The following DEPDC1B variants were observed in gnomAD, a reference collection of about 807,000 sequenced individuals.
DEPDC1B encodes the protein DEP domain containing 1B.
In DEPDC1B, 51 loss-of-function variants were observed where a neutral mutation model predicts 66.5. That is an observed-to-expected ratio of 0.77 (90% CI 0.61 to 0.97). The LOEUF is 0.97. DEPDC1B is among the 50% of genes least tolerant of loss of function. The pLI is 0.00. For missense variants in DEPDC1B, 552 were observed against 637.1 expected (o/e 0.87, Z 1.44); for synonymous variants, 226 against 223.6 (o/e 1.01, Z -0.10).
intron 6 of DEPDC1B, among the ~76,000 whole-genome samples, chr5:60,640,720 G>A (rs1356641071): frequency 1.3e-5 from 2 of 152,190 alleles, no homozygotes; most frequent in Non-Finnish European, 2.9e-5. Context: ...AGAGAAAGAG[G>A]TGAGCAGCAC....
intron 7 of DEPDC1B, among the ~76,000 whole-genome samples, chr5:60,629,881 C>T (rs1010235206): frequency 2.6e-5 from 4 of 152,140 alleles, no homozygotes; most frequent in African/African-American, 9.6e-5. Flanking sequence ...TTTCTATAGT[C>T]CCACACTTGT....
At chr5:60,604,153 A>G (rs1752261959) in intron 8 of DEPDC1B, among the ~76,000 whole-genome samples, 1 of 151,144 alleles carries the variant, frequency 6.6e-6, no homozygotes, top group African/African-American at 2.4e-5. Context: ...CTTTGAGGCA[A>G]GCAGAAATGC....
Position 60,621,959 on chromosome 5 carries a change from G to A in DEPDC1B, c.899-16103C>T, listed in dbSNP as rs554770001. Reference sequence around the variant, plus strand: ...ACTTCTTTATTACCTTTAGGATATTGGCAATGTAATTTATGAGTTATATTA... The same window carrying A: ...ACTTCTTTATTACCTTTAGGATATTAGCAATGTAATTTATGAGTTATATTA... On this transcript the variant is annotated intron_variant, in intron 7 of 10. Transcript: ENST00000265036. Among the ~76,000 whole-genome samples the A allele has an allele frequency of 1.4e-4, 22 of 151,726 alleles. No individual in the cohort carries two copies. The South Asian group carries it at 4.6e-3, about 32-fold the overall frequency.
At position 60,667,904 on chromosome 5, in the gene DEPDC1B, T is replaced by C. The variant is rs1039685769; in HGVS notation, c.314+19058A>G. Among the ~76,000 whole-genome samples the C allele has an allele frequency of 7.7e-4, 27 of 34,990 alleles. 6 individuals carry two copies. The highest frequency in any genetic ancestry group is 1.7e-3 in the Non-Finnish European group (23 of 13,460). 23.0% of individuals were successfully genotyped at this position (34,990 alleles called of 152,430 possible). A position where few individuals can be genotyped will look rare whatever the true frequency, so the allele number is the denominator to read the frequency against. ...ACATATATGTAAAAAATGGATATTT[T>C]ATATATATAAAAAATGGATATTTTA... On this transcript the variant is annotated intron_variant, in intron 2 of 10. Transcript: ENST00000265036.
chr5:60,668,368 A>G (rs1273592785), intron 2 of DEPDC1B, among the ~76,000 whole-genome samples: 3 of 149,260 alleles, frequency 2.0e-5, no homozygotes, highest in Non-Finnish European at 4.4e-5. Flanking sequence ...TCCGCCTCCC[A>G]GGTTCAAGCA....
At chr5:60,629,852 T>C (rs377432456) in intron 7 of DEPDC1B, among the ~76,000 whole-genome samples, 1 of 152,242 alleles carries the variant, frequency 6.6e-6, no homozygotes, top group South Asian at 2.1e-4. Context: ...TTTTCTTTCC[T>C]ATGCAGAAGC....
intron 2 of DEPDC1B, among the ~76,000 whole-genome samples, chr5:60,670,175 G>A (rs1331068198): frequency 6.6e-6 from 1 of 152,164 alleles, no homozygotes; most frequent in Admixed American, 6.5e-5. Context: ...GCGAGGTCAG[G>A]AGATCAAGAC....
At chr5:60,692,984 A>G (rs1754580275) in intron 1 of DEPDC1B, among the ~76,000 whole-genome samples, 2 of 152,166 alleles carry the variant, frequency 1.3e-5, no homozygotes. Context: ...TACCTTCATA[A>G]GGAGGTAGGG....
rs1413018406 is a variant in DEPDC1B, at chr5:60,668,158, A to ATT, written c.314+18802_314+18803dup. 2.8e-4 allele frequency among the ~76,000 whole-genome samples: 6 copies of ATT among 21,326 alleles called. 1 individual carries two copies. Among genetic ancestry groups the ATT allele is most frequent in the African/African-American group, 1.5e-3 (5 of 3,364 alleles). The allele number at this position is 21,326 out of a possible 152,430, so 14.0% of individuals were successfully genotyped here. On this transcript the variant is annotated intron_variant, in intron 2 of 10. Coordinates refer to ENST00000265036, the MANE Select transcript of DEPDC1B (RefSeq NM_018369.3). ...TATTTTATATATATATAAAATGGATATTATATATATATAAAATGGATATTT... is the reference window on the plus strand; with the variant it reads ...TATTTTATATATATATAAAATGGATATTTTATATATATATAAAATGGATATTT...
intron 2 of DEPDC1B, among the ~76,000 whole-genome samples, chr5:60,650,052 A>T (rs1165858256): frequency 6.6e-6 from 1 of 152,026 alleles, no homozygotes; most frequent in Non-Finnish European, 1.5e-5. Flanking sequence ...TTTATGAAAC[A>T]TCATAAACTT....
At chr5:60,630,408 A>G (rs1752897343) in intron 7 of DEPDC1B, 1 of 152,314 alleles carries the variant, frequency 6.6e-6, no homozygotes, top group African/African-American at 2.4e-5. Flanking sequence ...GAAAGGGAGG[A>G]CATGGAGACC....
chr5:60,619,003 T>A (rs1363200266), intron 7 of DEPDC1B, among the ~76,000 whole-genome samples: 1 of 152,214 alleles, frequency 6.6e-6, no homozygotes, highest in African/African-American at 2.4e-5. Flanking sequence ...TCAATAAACG[T>A]AATCCAGCAT....
At chr5:60,617,271 A>G (rs1752580926) in intron 7 of DEPDC1B, among the ~76,000 whole-genome samples, 1 of 152,248 alleles carries the variant, frequency 6.6e-6, no homozygotes, top group Non-Finnish European at 1.5e-5. Context: ...TGACAGGATC[A>G]AATTCACACG....
At chr5:60,675,181 G>A (rs1176810418) in intron 2 of DEPDC1B, among the ~76,000 whole-genome samples, 1 of 151,912 alleles carries the variant, frequency 6.6e-6, no homozygotes, top group Non-Finnish European at 1.5e-5. Context: ...TTCCACTGTA[G>A]GGCACAGGGC....
intron 7 of DEPDC1B, among the ~76,000 whole-genome samples, chr5:60,634,806 A>T (rs1368618258): frequency 6.6e-6 from 1 of 152,236 alleles, no homozygotes; most frequent in African/African-American, 2.4e-5. Flanking sequence ...ACTCCACTTT[A>T]TTCTGACAAT....
intron 7 of DEPDC1B, among the ~76,000 whole-genome samples, chr5:60,609,041 T>C (rs1446074397): frequency 1.3e-5 from 2 of 152,074 alleles, no homozygotes; most frequent in African/African-American, 2.4e-5. Flanking sequence ...GCCTATGAGT[T>C]TGAGTCTGCA....
intron 2 of DEPDC1B, among the ~76,000 whole-genome samples, chr5:60,670,484 G>A (rs1440548141): frequency 6.6e-6 from 1 of 152,130 alleles, no homozygotes; most frequent in Non-Finnish European, 1.5e-5. Flanking sequence ...CAAAATCCCA[G>A]CAAGAATTTT....
At chr5:60,667,795 T>C (rs1254325192) in intron 2 of DEPDC1B, among the ~76,000 whole-genome samples, 1 of 132,870 alleles carries the variant, frequency 7.5e-6, no homozygotes, top group Non-Finnish European at 1.5e-5. Context: ...AAAAAATGGA[T>C]ATTTTACATA....
At chr5:60,697,380 G>C (rs552891183) in intron 1 of DEPDC1B, among the ~76,000 whole-genome samples, 1 of 152,134 alleles carries the variant, frequency 6.6e-6, no homozygotes, top group African/African-American at 2.4e-5. Flanking sequence ...TATCCCAATA[G>C]ATTTTTACCA....
Sources: allele counts gnomAD v4.1 joint callset (sites outside exome capture counted in the v4.1 genomes callset), GRCh38; gene constraint gnomAD v4.1.1; transcripts MANE v1.5; gene names NCBI Gene and HGNC (gene_info 2026-07-23, HGNC 2026-07-21).